Variants in DMXL2 observed in about 807,000 individuals in gnomAD.
DMXL2 encodes the protein dmX-like protein 2.
DMXL2 carries 103 observed loss-of-function variants against 331.1 expected under a neutral mutation model. The observed-to-expected ratio is 0.31, with a 90% CI of 0.27 to 0.37. The LOEUF is 0.37. Ranked by LOEUF, DMXL2 falls within the 10% of genes least tolerant of loss-of-function variation. DMXL2 has a pLI of 1.00. For missense variants in DMXL2, 3,171 were observed against 3,642.9 expected (o/e 0.87, Z 3.33); for synonymous variants, 1,281 against 1,252.1 (o/e 1.02, Z -0.49).
intron 11 of DMXL2, among the ~76,000 whole-genome samples, chr15:51,537,146 G>A (rs928757093): frequency 6.6e-6 from 1 of 152,172 alleles, no homozygotes; most frequent in African/African-American, 2.4e-5. Flanking sequence ...AGGCAGCTTC[G>A]TTTAGCTCAT....
In DMXL2 at chr15:51,593,266, T is replaced by C. The variant is rs544550972; in HGVS notation, c.88-17085A>G. ...CAAAAAAAGGCAGGGGTTGCAATCC[T>C]AGTCTCTGATAAAACAGACTTTAAA... is the stretch of plus-strand genomic sequence containing the variant. On this transcript the variant is annotated intron_variant, in intron 1 of 43. Coordinates refer to ENST00000560891, the MANE Select transcript of DMXL2 (RefSeq NM_001378457.1). Among the ~76,000 whole-genome samples, 4 of 152,290 alleles carry C rather than the reference T, an allele frequency of 2.6e-5. No individual in the cohort carries two copies. In the East Asian group the frequency reaches 7.7e-4, roughly 29 times the overall value.
At position 51,536,383 on chromosome 15, in the gene DMXL2, T is replaced by G. The variant is rs766811285; in HGVS notation, c.2097A>C (p.Ile699=). The change falls in exon 12 of 44, where the codon ATA becomes ATC. Residue 699 remains isoleucine, a synonymous_variant. Transcript: ENST00000560891. ...LSRLMDPVKH[I]KGSSKQPLRN... is the part of the protein sequence containing the mutation. ...TAAGAGGTTGTTTCGAGGAACCTTTTATATGTTTTACAGGGTCCATTAATC... is the reference window on the plus strand; with the variant it reads ...TAAGAGGTTGTTTCGAGGAACCTTTGATATGTTTTACAGGGTCCATTAATC... 3.1e-6 allele frequency: 5 copies of G among 1,613,526 alleles called. No individual in the cohort carries two copies. Among genetic ancestry groups the G allele is most frequent in the Non-Finnish European group, 4.2e-6 (5 of 1,179,822 alleles).
At chr15:51,519,033 T>C (rs561447539) in intron 13 of DMXL2, among the ~76,000 whole-genome samples, 1 of 152,270 alleles carries the variant, frequency 6.6e-6, no homozygotes, top group East Asian at 1.9e-4. Context: ...AAACAATCCA[T>C]AATGAGCAAA....
At chr15:51,505,346 C>T (rs979078405) in intron 16 of DMXL2, among the ~76,000 whole-genome samples, 1 of 152,232 alleles carries the variant, frequency 6.6e-6, no homozygotes, top group South Asian at 2.1e-4. Context: ...AGCAACTCAA[C>T]TCTAGCCCTG....
chr15:51,577,171 A>C (rs1372459472), intron 1 of DMXL2, among the ~76,000 whole-genome samples: 1 of 152,200 alleles, frequency 6.6e-6, no homozygotes, highest in Non-Finnish European at 1.5e-5. Flanking sequence ...CATAAAACTT[A>C]TGAAATGGTA....
At chr15:51,530,163 T>C (rs996448328) in intron 13 of DMXL2, among the ~76,000 whole-genome samples, 1 of 152,024 alleles carries the variant, frequency 6.6e-6, no homozygotes, top group African/African-American at 2.4e-5. Flanking sequence ...TCCTCTAAGA[T>C]CTAGAACACA....
chr15:51,509,734 C>T (rs547122352), intron 15 of DMXL2, among the ~76,000 whole-genome samples: 3 of 152,252 alleles, frequency 2.0e-5, no homozygotes, highest in African/African-American at 4.8e-5. Context: ...GATACCAAAA[C>T]GTGGCAGAGA....
rs748184208 is a variant in DMXL2 at position 51,537,731 on chromosome 15, T to C, written c.1374A>G (p.Ala458=). Residue 458 remains alanine, a synonymous_variant, in exon 11 of 44, where the codon GCA becomes GCG. Transcript: ENST00000560891. The part of the protein sequence containing the change: ...HDLSLDRESE[A]GTGSSEHEDG... Reference sequence around the variant, plus strand: ...CTTCATGTTCTGATGATCCTGTACCTGCCTCAGATTCTCTATCCAGGGATA... The same window carrying C: ...CTTCATGTTCTGATGATCCTGTACCCGCCTCAGATTCTCTATCCAGGGATA... The C allele has an allele frequency of 9.9e-6, 16 of 1,613,536 alleles. No individual in the cohort carries two copies. Among genetic ancestry groups the C allele is most frequent in the Non-Finnish European group, 1.3e-5 (15 of 1,179,644 alleles).
intron 33 of DMXL2, among the ~76,000 whole-genome samples, chr15:51,460,906 C>A (rs545399239): frequency 6.6e-6 from 1 of 151,996 alleles, no homozygotes; most frequent in South Asian, 2.1e-4. Context: ...AAATTTAGAT[C>A]AATTAAAATT....
chr15:51,579,978 T>C (rs1311126522), intron 1 of DMXL2, among the ~76,000 whole-genome samples: 1 of 152,198 alleles, frequency 6.6e-6, no homozygotes, highest in Non-Finnish European at 1.5e-5. Flanking sequence ...TGAATGAGGA[T>C]TCATTTGCTT....
chr15:51,622,537 C>A lies in DMXL2; in HGVS notation c.9G>T (p.Leu3=). MH[L]HQVLTGAVNP... ...TGACAGCTCCGGTGAGGACCTGATG[C>A]AGATGCATCTCCGGAGCCCGGGCTG... is the stretch of plus-strand genomic sequence containing the variant. The change falls in exon 1 of 44, where the codon CTG becomes CTT. Residue 3 remains leucine, a synonymous_variant. Coordinates refer to ENST00000560891, the MANE Select transcript of DMXL2 (RefSeq NM_001378457.1). The A allele has an allele frequency of 6.4e-7, 1 of 1,556,756 alleles. No homozygotes were observed.
At chr15:51,568,842 G>C (rs1162605353) in intron 2 of DMXL2, among the ~76,000 whole-genome samples, 3 of 151,910 alleles carry the variant, frequency 2.0e-5, no homozygotes, top group Admixed American at 6.6e-5. Context: ...GAACAGCTCT[G>C]GTCTACAGCT....
intron 1 of DMXL2, among the ~76,000 whole-genome samples, chr15:51,593,383 C>T (rs966151933): frequency 6.6e-6 from 1 of 152,166 alleles, no homozygotes; most frequent in Non-Finnish European, 1.5e-5. Flanking sequence ...AATATATATG[C>T]ACCTAATACA....
chr15:51,458,970 A>C (rs2039893626), intron 34 of DMXL2, 175 bp from the exon 35 acceptor site: 1 of 600,114 alleles, frequency 1.7e-6, no homozygotes, highest in Admixed American at 3.0e-5. Context: ...GCTTTGGAAA[A>C]TTTGCTTAAA....
At chr15:51,459,768 T>C in intron 33 of DMXL2, 108 bp from the exon 34 acceptor site, 2 of 1,202,756 alleles carry the variant, frequency 1.7e-6, no homozygotes, top group Non-Finnish European at 2.1e-6. Context: ...TTAAAGATGA[T>C]AAAAATGAAT....
At chr15:51,497,023 T>C (rs1310348118) in intron 18 of DMXL2, among the ~76,000 whole-genome samples, 3 of 152,224 alleles carry the variant, frequency 2.0e-5, no homozygotes, top group African/African-American at 7.2e-5. Flanking sequence ...AAGTATAAAC[T>C]ATTTTTTACA....
At chr15:51,600,069 A>G (rs2053119532) in intron 1 of DMXL2, among the ~76,000 whole-genome samples, 1 of 152,160 alleles carries the variant, frequency 6.6e-6, no homozygotes, top group African/African-American at 2.4e-5. Context: ...TATCCAAAAT[A>G]TTTCTATCTG....
At chr15:51,465,715 G>C in intron 30 of DMXL2, 64 bp from the exon 31 acceptor site, 1 of 1,201,786 alleles carries the variant, frequency 8.3e-7, no homozygotes, top group Admixed American at 2.3e-5. Flanking sequence ...AAACAGAGTG[G>C]TGTTCCCTGC....
rs759889759 is a variant in DMXL2 at position 51,456,148 on chromosome 15, G to T, written c.8444C>A (p.Thr2815Lys). 2 of 1,614,002 alleles carry T rather than the reference G, an allele frequency of 1.2e-6. No individual in the cohort carries two copies. The highest frequency in any genetic ancestry group is 1.7e-6 in the Non-Finnish European group (2 of 1,180,020). ...AAAGCAGACAAGTTGCTGAGGCCGC[G>T]TCCATTCAAACATTCGTACACTGCC... ...QDGSVRMFEWTRPQQLVCFRQ... is the reference protein window; with the variant it reads ...QDGSVRMFEWKRPQQLVCFRQ... The change falls in exon 39 of 44, where the codon ACG becomes AAG. Residue 2815 changes from threonine (T) to lysine (K), a missense_variant. This residue lies in a region of DMXL2 where 766 missense variants were observed against 940.5 expected (regional missense o/e 0.81). Coordinates refer to ENST00000560891, the MANE Select transcript of DMXL2 (RefSeq NM_001378457.1).
Sources: gnomAD v4.1 joint callset for allele counts (sites outside exome capture counted in the v4.1 genomes callset) on GRCh38, gnomAD v4.1.1 for gene constraint, gnomAD v4.1.1 regional missense constraint, MANE v1.5 for transcripts, NCBI Gene and HGNC (gene_info 2026-07-23, HGNC 2026-07-21) for gene names.